NETO2: variants seen among roughly 807,000 people sequenced by gnomAD.
NETO2 encodes neuropilin and tolloid-like protein 2.
Under a neutral mutation model 62.5 loss-of-function variants are expected in NETO2, and 28 were observed. That is an observed-to-expected ratio of 0.45 (90% CI 0.33 to 0.61). The LOEUF (loss-of-function observed/expected upper bound fraction) is 0.61, where lower values mean the gene tolerates loss of function less well. Among genes scored for constraint, NETO2 ranks in the 20% least tolerant of loss-of-function variants. NETO2 has a pLI of 0.02. For missense variants in NETO2, 548 were observed against 643.2 expected, an observed-to-expected ratio of 0.85 and a Z score of 1.60; for synonymous variants, 214 against 219.1, an observed-to-expected ratio of 0.98 and a Z score of 0.21.
At chr16:47,123,524 AT>A (rs1596737504) in intron 4 of NETO2, among the ~76,000 whole-genome samples, 2 of 152,148 alleles carry the variant, frequency 1.3e-5, no homozygotes, top group East Asian at 1.9e-4. Context: ...TAAAGGGTAA[AT>A]TTTGTTATGT....
At chr16:47,113,587 T>TC (rs989256460) in intron 6 of NETO2, among the ~76,000 whole-genome samples, 6 of 145,286 alleles carry the variant, frequency 4.1e-5, no homozygotes, top group African/African-American at 1.5e-4. Context: ...AGTTTATTCT[T>TC]TTTTTTTTTT....
intron 6 of NETO2, among the ~76,000 whole-genome samples, chr16:47,111,770 C>T (rs935878065): frequency 6.6e-5 from 10 of 152,136 alleles, no homozygotes; most frequent in Non-Finnish European, 1.3e-4. Flanking sequence ...TTAGGTGAGA[C>T]GTAGAACTGG....
At chr16:47,104,460 G>C (rs566497771) in intron 7 of NETO2, among the ~76,000 whole-genome samples, 1 of 152,274 alleles carries the variant, frequency 6.6e-6, no homozygotes, top group Admixed American at 6.5e-5. Flanking sequence ...ATTACTCAAA[G>C]TGACCCACAG....
chr16:47,142,641 A>G (rs1473900153), intron 1 of NETO2, among the ~76,000 whole-genome samples: 6 of 152,244 alleles, frequency 3.9e-5, no homozygotes, highest in Admixed American at 1.3e-4. Context: ...AGGGGGAAAA[A>G]GGGAAGTCCT....
At chr16:47,092,152 C>T (rs776356004) in intron 7 of NETO2, among the ~76,000 whole-genome samples, 13 of 151,810 alleles carry the variant, frequency 8.6e-5, no homozygotes, top group Non-Finnish European at 1.9e-4. Context: ...CCAGTCCATG[C>T]CCATTTGCTG....
chr16:47,100,778 C>T (rs1264264536), intron 7 of NETO2, among the ~76,000 whole-genome samples: 1 of 152,020 alleles, frequency 6.6e-6, no homozygotes, highest in Non-Finnish European at 1.5e-5. Context: ...CTGAGTAGAC[C>T]GATAACAAGT....
At position 47,080,503 on chromosome 16, in the gene NETO2, G is replaced by T. The variant is rs1963045094; in HGVS notation, c.*2718C>A. On this transcript the variant is annotated 3_prime_UTR_variant, in exon 9 of 9. Coordinates refer to ENST00000562435, the MANE Select transcript of NETO2 (RefSeq NM_018092.5). ...ATAAAGTTTTCTCACTGATCTCAAA[G>T]ATTAAAGGCTGTATATACAGCAATT... 6.6e-6 allele frequency: 1 copy of T among 152,118 alleles called. No individual in the cohort carries two copies. The highest frequency in any genetic ancestry group is 6.5e-5 in the Admixed American group (1 of 15,280). The allele number at this position is 152,118 out of a possible 1,614,324, so 9.4% of individuals were successfully genotyped here. A position where few individuals can be genotyped will look rare whatever the true frequency, so the allele number is the denominator to read the frequency against.
intron 1 of NETO2, among the ~76,000 whole-genome samples, chr16:47,139,270 T>C (rs986175655): frequency 2.6e-5 from 4 of 152,190 alleles, no homozygotes; most frequent in African/African-American, 9.6e-5. Context: ...CAGGCACACA[T>C]CTTGGATGAA....
intron 7 of NETO2, among the ~76,000 whole-genome samples, chr16:47,108,073 G>A (rs541307712): frequency 1.3e-5 from 2 of 152,036 alleles, no homozygotes; most frequent in Admixed American, 6.5e-5. Flanking sequence ...ACGATGCCCG[G>A]TCACAATAAT....
intron 6 of NETO2, 68 bp downstream of exon 6, chr16:47,122,589 T>A: frequency 6.4e-7 from 1 of 1,552,796 alleles, no homozygotes; most frequent in Non-Finnish European, 8.7e-7. Context: ...CAAACCAAAA[T>A]TACACATTTT....
Position 47,078,468 on chromosome 16 carries a change from A to G in NETO2, c.*4753T>C, listed in dbSNP as rs1465412544. The G allele has an allele frequency of 7.2e-5, 11 of 152,232 alleles. No homozygotes were observed. The highest frequency in any genetic ancestry group is 7.2e-4 in the Admixed American group (11 of 15,290). The allele number at this position is 152,232 out of a possible 1,614,324, so 9.4% of individuals were successfully genotyped here. A position where few individuals can be genotyped will look rare whatever the true frequency, so the allele number is the denominator to read the frequency against. On this transcript the variant is annotated 3_prime_UTR_variant, in exon 9 of 9. Transcript: ENST00000562435. Reference sequence around the variant, plus strand: ...TTACACTAGACAGTGCATACTAAACATGCACCCTAGTCATTAGCTTTTTAG... The same window carrying G: ...TTACACTAGACAGTGCATACTAAACGTGCACCCTAGTCATTAGCTTTTTAG...
intron 7 of NETO2, among the ~76,000 whole-genome samples, chr16:47,103,377 G>A (rs1296494253): frequency 2.6e-5 from 4 of 152,092 alleles, no homozygotes; most frequent in Admixed American, 1.3e-4. Context: ...CATGGCAGGT[G>A]TATACCTATG....
At chr16:47,091,206 G>A (rs995321757) in intron 7 of NETO2, among the ~76,000 whole-genome samples, 1 of 151,904 alleles carries the variant, frequency 6.6e-6, no homozygotes, top group African/African-American at 2.4e-5. Context: ...TCTTTTTCTT[G>A]GGTAATAAAG....
At chr16:47,112,034 A>G (rs1035639298) in intron 6 of NETO2, among the ~76,000 whole-genome samples, 2 of 152,214 alleles carry the variant, frequency 1.3e-5, no homozygotes, top group Non-Finnish European at 2.9e-5. Flanking sequence ...CACTATTTGT[A>G]TACTCTTAAA....
intron 4 of NETO2, among the ~76,000 whole-genome samples, chr16:47,127,976 T>C (rs1964190246): frequency 6.6e-6 from 1 of 152,188 alleles, no homozygotes; most frequent in African/African-American, 2.4e-5. Flanking sequence ...TACAAAACAA[T>C]TTTTGTGGGA....
intron 7 of NETO2, among the ~76,000 whole-genome samples, chr16:47,091,272 T>C (rs963660366): frequency 2.6e-5 from 4 of 152,188 alleles, no homozygotes; most frequent in African/African-American, 9.7e-5. Context: ...AAACTTATTC[T>C]TACATTTGGT....
In NETO2 at chr16:47,094,863, G is replaced by A. The variant is rs186926837; in HGVS notation, c.884-8524C>T. 2.1e-4 allele frequency among the ~76,000 whole-genome samples: 32 copies of A among 152,106 alleles called. 1 individual carries two copies. The East Asian group carries it at 5.4e-3, about 26-fold the overall frequency. On this transcript the variant is annotated intron_variant, in intron 7 of 8. Transcript: ENST00000562435. Reference sequence around the variant, plus strand: ...TCTCCTGAGTGGTGCATACCACCACGCCCAGCTAATTTTTGTATTGTTAGT... The same window carrying A: ...TCTCCTGAGTGGTGCATACCACCACACCCAGCTAATTTTTGTATTGTTAGT...
At chr16:47,089,433 C>T (rs1014963869) in intron 7 of NETO2, among the ~76,000 whole-genome samples, 3 of 152,234 alleles carry the variant, frequency 2.0e-5, no homozygotes, top group Non-Finnish European at 4.4e-5. Flanking sequence ...CAGTGTATCT[C>T]AGACTTCTGG....
intron 7 of NETO2, among the ~76,000 whole-genome samples, chr16:47,094,975 C>G (rs1567381816): frequency 1.3e-5 from 2 of 152,162 alleles, no homozygotes; most frequent in East Asian, 3.9e-4. Flanking sequence ...CTCACAAAAG[C>G]TGGAATTACA....
Sources: gnomAD v4.1 joint callset for allele counts (sites outside exome capture counted in the v4.1 genomes callset) on GRCh38, gnomAD v4.1.1 for gene constraint, MANE v1.5 for transcripts, NCBI Gene and HGNC (gene_info 2026-07-23, HGNC 2026-07-21) for gene names.